Variants in GLI2 observed in about 807,000 individuals in gnomAD.
The protein encoded by GLI2 is transcription activator GLI2.
In GLI2, 22 loss-of-function variants were observed where a neutral mutation model predicts 78.9. That is an observed-to-expected ratio of 0.28 (90% CI 0.20 to 0.40). The LOEUF (loss-of-function observed/expected upper bound fraction) is 0.40, where lower values mean the gene tolerates loss of function less well. Among genes scored for constraint, GLI2 ranks in the 10% least tolerant of loss-of-function variants. The pLI is 1.00. For synonymous variants in GLI2, 974 were observed against 963.7 expected (o/e 1.01, Z -0.20); for missense variants, 2,097 against 2,213.2 (o/e 0.95, Z 1.05).
At chr2:120,946,792 G>A (rs776718829) in intron 3 of GLI2, among the ~76,000 whole-genome samples, 1 of 152,226 alleles carries the variant, frequency 6.6e-6, no homozygotes, top group Non-Finnish European at 1.5e-5. Context: ...AGAAAGAGGG[G>A]CACTGGACCC....
At chr2:120,888,870 A>G (rs1298505885) in intron 2 of GLI2, among the ~76,000 whole-genome samples, 1 of 152,188 alleles carries the variant, frequency 6.6e-6, no homozygotes, top group Non-Finnish European at 1.5e-5. Flanking sequence ...TCAAAGGCTT[A>G]TCAGTTAGTG....
intron 9 of GLI2, among the ~76,000 whole-genome samples, chr2:120,977,916 T>C (rs1291901598): frequency 6.6e-6 from 1 of 152,342 alleles, no homozygotes; most frequent in Admixed American, 6.5e-5. Context: ...TGTGTTATTT[T>C]TCTATTGAAA....
chr2:120,758,162 C>T (rs970113937), intron 1 of GLI2, among the ~76,000 whole-genome samples: 12 of 152,180 alleles, frequency 7.9e-5, no homozygotes, highest in African/African-American at 2.2e-4. Context: ...GGACATCTCA[C>T]CACTTATCCG....
chr2:120,976,550 G>T (rs987015028), intron 9 of GLI2, among the ~76,000 whole-genome samples: 1 of 152,204 alleles, frequency 6.6e-6, no homozygotes, highest in Non-Finnish European at 1.5e-5. Flanking sequence ...GAACAAATCA[G>T]TTAGATGAAA....
chr2:120,932,910 C>G (rs758267774), intron 3 of GLI2, among the ~76,000 whole-genome samples: 32 of 152,060 alleles, frequency 2.1e-4, no homozygotes, highest in African/African-American at 4.8e-5. Context: ...TGCTGTGGTG[C>G]GGTGTGGTGG....
intron 2 of GLI2, among the ~76,000 whole-genome samples, chr2:120,910,243 T>A (rs1166463964): frequency 6.6e-6 from 1 of 151,944 alleles, no homozygotes; most frequent in Non-Finnish European, 1.5e-5. Context: ...TCAGCAGGCC[T>A]GAGCCAGGGG....
At chr2:120,981,729 A>C (rs1193928654) in intron 10 of GLI2, among the ~76,000 whole-genome samples, 1 of 152,240 alleles carries the variant, frequency 6.6e-6, no homozygotes, top group East Asian at 1.9e-4. Context: ...CAACCACAGT[A>C]TCTTTGGAAT....
intron 2 of GLI2, among the ~76,000 whole-genome samples, chr2:120,813,360 G>A (rs917930492): frequency 3.3e-5 from 5 of 152,198 alleles, no homozygotes; most frequent in African/African-American, 9.7e-5. Flanking sequence ...GATGGCGTGG[G>A]TGCCCATGGA....
At chr2:120,899,151 A>G (rs1334166247) in intron 2 of GLI2, among the ~76,000 whole-genome samples, 1 of 152,188 alleles carries the variant, frequency 6.6e-6, no homozygotes, top group Admixed American at 6.5e-5. Flanking sequence ...CCTGGAGATC[A>G]ATCTGCAGAG....
chr2:120,982,350 T>G (rs1217577407), intron 10 of GLI2, among the ~76,000 whole-genome samples: 1 of 152,140 alleles, frequency 6.6e-6, no homozygotes, highest in African/African-American at 2.4e-5. Context: ...AAGTCATAGT[T>G]TAGAGTTTAA....
intron 3 of GLI2, among the ~76,000 whole-genome samples, chr2:120,937,017 A>T (rs1251767300): frequency 6.6e-6 from 1 of 152,180 alleles, no homozygotes; most frequent in African/African-American, 2.4e-5. Context: ...AGTACGCTGG[A>T]CATGTCAGGA....
intron 3 of GLI2, among the ~76,000 whole-genome samples, chr2:120,928,171 C>G (rs1182735864): frequency 6.6e-6 from 1 of 152,162 alleles, no homozygotes; most frequent in Non-Finnish European, 1.5e-5. Context: ...CTCCCCGCAC[C>G]TGCCTCCAGG....
chr2:120,760,619 TC>T (rs1177588152), intron 1 of GLI2, among the ~76,000 whole-genome samples: 1 of 152,144 alleles, frequency 6.6e-6, no homozygotes, highest in Non-Finnish European at 1.5e-5. Context: ...GGATGCAGCG[TC>T]CCCCTGTCTG....
At chr2:120,932,286 CTGAGCTGG>C (rs1258913667) in intron 3 of GLI2, among the ~76,000 whole-genome samples, 2 of 152,178 alleles carry the variant, frequency 1.3e-5, no homozygotes, top group Non-Finnish European at 2.9e-5. Flanking sequence ...GCCTGCTGCC[CTGAGCTGG>C]TGACCATTTC....
intron 3 of GLI2, among the ~76,000 whole-genome samples, chr2:120,941,996 A>G (rs767947648): frequency 1.3e-5 from 2 of 152,242 alleles, no homozygotes; most frequent in Middle Eastern, 3.4e-3. Context: ...GAGTTCCCCT[A>G]CCCTGCCAGC....
rs376388820 is a variant in GLI2, at chr2:120,990,220, G to A, written c.4255G>A (p.Ala1419Thr). 1.9e-5 allele frequency: 31 copies of A among 1,613,574 alleles called. No individual in the cohort carries two copies. The highest frequency in any genetic ancestry group is 1.6e-4 in the Middle Eastern group (1 of 6,062). The change falls in exon 14 of 14, where the codon GCA (alanine) becomes ACA (threonine). Residue 1419 changes from alanine to threonine, a missense_variant. By Grantham distance (58) the Ala-to-Thr change is moderately conservative (BLOSUM62 0). Coordinates refer to ENST00000361492, the MANE Select transcript of GLI2 (RefSeq NM_001374353.1). ...SVPPQPPPQD[A>T]GGAPDHSMLY... is the part of the protein sequence containing the mutation. ...GCCTCCCCAGCCGCCTCCGCAGGAC[G>A]CAGGTGGGGCCCCGGACCACAGCAT...
chr2:120,791,224 A>G (rs912549219), intron 1 of GLI2, among the ~76,000 whole-genome samples: 1 of 152,162 alleles, frequency 6.6e-6, no homozygotes, highest in East Asian at 1.9e-4. Flanking sequence ...CCACGTCCCT[A>G]TCTCCTTCAG....
At chr2:120,780,420 G>T (rs1432973795) in intron 1 of GLI2, among the ~76,000 whole-genome samples, 2 of 152,228 alleles carry the variant, frequency 1.3e-5, no homozygotes, top group Non-Finnish European at 2.9e-5. Context: ...AAGGAGGAAG[G>T]GAGGAAGACA....
chr2:120,913,199 A>G (rs1190257288), intron 2 of GLI2, among the ~76,000 whole-genome samples: 3 of 152,324 alleles, frequency 2.0e-5, no homozygotes, highest in Admixed American at 2.0e-4. Flanking sequence ...TGGAAAGTCA[A>G]TAATGATAAC....
Sources: gnomAD v4.1 joint callset for allele counts (sites outside exome capture counted in the v4.1 genomes callset) on GRCh38, gnomAD v4.1.1 for gene constraint, MANE v1.5 for transcripts, NCBI Gene and HGNC (gene_info 2026-07-23, HGNC 2026-07-21) for gene names.